MYT1L: variants seen among roughly 807,000 people sequenced by gnomAD.
The protein encoded by MYT1L is myelin transcription factor 1-like protein.
In MYT1L, 12 loss-of-function variants were observed where a neutral mutation model predicts 126.7. The observed-to-expected ratio is 0.09, with a 90% confidence interval of 0.06 to 0.15. The LOEUF (loss-of-function observed/expected upper bound fraction) is 0.15. Ranked by LOEUF, MYT1L falls within the 10% of genes least tolerant of loss-of-function variation. The pLI is 1.00. For missense variants in MYT1L, 979 were observed against 1,585.2 expected, an observed-to-expected ratio of 0.62 and a Z score of 6.49; for synonymous variants, 541 against 604.2, an observed-to-expected ratio of 0.90 and a Z score of 1.53.
At chr2:2,125,558 G>C (rs1267333630) in intron 3 of MYT1L, among the ~76,000 whole-genome samples, 1 of 152,152 alleles carries the variant, frequency 6.6e-6, no homozygotes, top group Non-Finnish European at 1.5e-5. Flanking sequence ...GAATGCGTGA[G>C]TGGGGCATGA....
chr2:1,912,217 G>T lies in MYT1L; in HGVS notation c.1619-107C>A. On this transcript the variant is annotated intron_variant, in intron 11 of 24. Coordinates refer to ENST00000647738, the MANE Select transcript of MYT1L (RefSeq NM_001303052.2). This position sits in a 1 kb window ranked among gnomAD's most constrained non-coding sequence, Gnocchi z 4.3. ...AAGGCCAGGTCGCTCATGATAGACA[G>T]TCCTACAAACGTTTGTGATGGGCAT... 1.4e-6 allele frequency: 1 copy of T among 690,510 alleles called. No individual in the cohort carries two copies. Among genetic ancestry groups the T allele is most frequent in the East Asian group, 3.0e-5 (1 of 32,926 alleles). The allele number at this position is 690,510 out of a possible 1,614,324, so 42.8% of individuals were successfully genotyped here. A position where few individuals can be genotyped will look rare whatever the true frequency, so the allele number is the denominator to read the frequency against.
At chr2:1,861,839 G>A (rs62114746) in intron 18 of MYT1L, among the ~76,000 whole-genome samples, 3 of 10,944 alleles carry the variant, frequency 2.7e-4, no homozygotes, top group Non-Finnish European at 5.2e-4. Context: ...TCCTGGATCC[G>A]CCTGCAGCCT....
intron 4 of MYT1L, among the ~76,000 whole-genome samples, chr2:2,021,118 A>C (rs892831094): frequency 7.9e-5 from 12 of 152,232 alleles, no homozygotes; most frequent in African/African-American, 2.9e-4. Flanking sequence ...AAGGGTGGGG[A>C]GCTTAGGAGG....
At chr2:1,969,561 T>C (rs947253020) in intron 8 of MYT1L, among the ~76,000 whole-genome samples, 5 of 152,182 alleles carry the variant, frequency 3.3e-5, no homozygotes, top group African/African-American at 7.2e-5. Context: ...GGAACCCCAC[T>C]TGGGGAACCC....
In MYT1L at chr2:2,224,591, G is replaced by A. The variant is rs373662340; in HGVS notation, c.-420-51603C>T. On this transcript the variant is annotated intron_variant, in intron 2 of 24. Coordinates refer to ENST00000647738, the MANE Select transcript of MYT1L (RefSeq NM_001303052.2). The surrounding 1 kb of genome is among the most constrained non-coding windows in gnomAD (Gnocchi z 4.0). ...TCTCAACACTTTGGGAGGTCAAGAC[G>A]GGCGGATCACGAGGTCAAGAGATTG... is the stretch of plus-strand genomic sequence containing the variant. Among the ~76,000 whole-genome samples, 379 of 152,154 alleles carry A rather than the reference G, an allele frequency of 2.5e-3. 1 individual carries two copies. Among genetic ancestry groups the A allele is most frequent in the African/African-American group, 8.0e-3 (331 of 41,494 alleles).
chr2:1,923,319 C>T (rs2053809350), intron 9 of MYT1L, 56 bp from the exon 10 acceptor site: 3 of 1,454,268 alleles, frequency 2.1e-6, no homozygotes, highest in East Asian at 2.5e-5. Context: ...GTGGCTAGAA[C>T]TGGAAGCTTA....
intron 19 of MYT1L, 62 bp from the exon 20 acceptor site, chr2:1,840,905 T>C (rs1386371662): frequency 2.0e-5 from 8 of 391,576 alleles, no homozygotes; most frequent in East Asian, 9.6e-5. Flanking sequence ...GCTTTCTTTC[T>C]TTTTTTTTTT....
intron 1 of MYT1L, among the ~76,000 whole-genome samples, chr2:2,313,666 T>C (rs183701126): frequency 6.6e-6 from 1 of 152,292 alleles, no homozygotes; most frequent in African/African-American, 2.4e-5. Flanking sequence ...GGCTATATAC[T>C]ATATACCATA....
Position 1,917,372 on chromosome 2 carries a change from T to A in MYT1L, c.1484-33A>T. ...CGACAACAGGTGCCAAGAGAATAAA[T>A]GTTTACCAATCAAAGACAAATGTGA... On this transcript the variant is annotated intron_variant, in intron 10 of 24. Transcript: ENST00000647738. This position sits in a 1 kb window ranked among gnomAD's most constrained non-coding sequence, Gnocchi z 5.9. 2 of 1,566,748 alleles carry A rather than the reference T, an allele frequency of 1.3e-6. No individual in the cohort carries two copies. Among genetic ancestry groups the A allele is most frequent in the South Asian group, 1.2e-5 (1 of 86,768 alleles).
chr2:2,241,989 T>G (rs1240445480), intron 2 of MYT1L, among the ~76,000 whole-genome samples: 1 of 151,212 alleles, frequency 6.6e-6, no homozygotes, highest in Non-Finnish European at 1.5e-5. Flanking sequence ...TTGCATTTAG[T>G]GAAGTGCTCA....
chr2:2,285,202 C>T (rs1022094221), intron 1 of MYT1L, among the ~76,000 whole-genome samples: 2 of 152,162 alleles, frequency 1.3e-5, no homozygotes, highest in African/African-American at 4.8e-5. Context: ...ATTGCAGTTG[C>T]AAGAGAAGGT....
intron 13 of MYT1L, among the ~76,000 whole-genome samples, chr2:1,909,569 G>A (rs2051595527): frequency 6.6e-6 from 1 of 152,194 alleles, no homozygotes; most frequent in African/African-American, 2.4e-5. Flanking sequence ...GAAGGGCTGA[G>A]TGAATGGGGA....
chr2:2,032,162 C>A (rs1296710664), intron 4 of MYT1L, among the ~76,000 whole-genome samples: 1 of 121,280 alleles, frequency 8.2e-6, no homozygotes, highest in Non-Finnish European at 1.7e-5. Flanking sequence ...TATACACACA[C>A]CCGTTGCCAG....
At chr2:2,142,260 T>A (rs2084102456) in intron 3 of MYT1L, among the ~76,000 whole-genome samples, 1 of 152,126 alleles carries the variant, frequency 6.6e-6, no homozygotes, top group African/African-American at 2.4e-5. Flanking sequence ...AAGTGACCTT[T>A]CCAAACGCTT....
intron 1 of MYT1L, among the ~76,000 whole-genome samples, chr2:2,295,571 G>GAGAGAGACAGACAGAC (rs2095662392): frequency 1.5e-5 from 2 of 136,646 alleles, no homozygotes; most frequent in Non-Finnish European, 3.2e-5. Context: ...CAGACAGAGA[G>GAGAGAGACAGACAGAC]AGAGAGAGAG....
intron 3 of MYT1L, among the ~76,000 whole-genome samples, chr2:2,162,338 A>G (rs530163324): frequency 1.3e-5 from 2 of 151,160 alleles, no homozygotes; most frequent in African/African-American, 2.4e-5. Flanking sequence ...GGTGGTGTCT[A>G]GGGTCCACAG....
intron 2 of MYT1L, among the ~76,000 whole-genome samples, chr2:2,234,946 C>T (rs1390012736): frequency 6.6e-6 from 1 of 152,226 alleles, no homozygotes; most frequent in Non-Finnish European, 1.5e-5. Context: ...CTCCCCTTGG[C>T]CTGCGGTCCT....
intron 3 of MYT1L, among the ~76,000 whole-genome samples, chr2:2,158,817 G>C (rs761903421): frequency 6.6e-6 from 1 of 152,064 alleles, no homozygotes; most frequent in African/African-American, 2.4e-5. Flanking sequence ...GTCTTTCACC[G>C]ACAGGCAGAC....
At chr2:1,955,673 A>G (rs1433132608) in intron 8 of MYT1L, among the ~76,000 whole-genome samples, 2 of 152,202 alleles carry the variant, frequency 1.3e-5, no homozygotes, top group Non-Finnish European at 2.9e-5. Flanking sequence ...GCTCCATGGT[A>G]TCTCCCCAAT....
Sources: allele counts gnomAD v4.1 joint callset (sites outside exome capture counted in the v4.1 genomes callset), GRCh38; gene constraint gnomAD v4.1.1; non-coding constraint Gnocchi (gnomAD v3.1); transcripts MANE v1.5; gene names NCBI Gene and HGNC (gene_info 2026-07-23, HGNC 2026-07-21).